Variants in DCC observed in about 807,000 individuals in gnomAD.
The protein encoded by DCC is DCC netrin 1 receptor.
Under a neutral mutation model 172.5 loss-of-function variants are expected in DCC, and 58 were observed. That is an observed-to-expected ratio of 0.34 (90% CI 0.27 to 0.42). The LOEUF (loss-of-function observed/expected upper bound fraction) is 0.42, where lower values mean the gene tolerates loss of function less well. Among genes scored for constraint, DCC ranks in the 10% least tolerant of loss-of-function variants. DCC has a pLI of 1.00. For missense variants in DCC, 1,740 were observed against 1,791.0 expected (o/e 0.97, Z 0.51); for synonymous variants, 709 against 644.5 (o/e 1.10, Z -1.52).
At position 53,055,538 on chromosome 18, in the gene DCC, G is replaced by T. The variant is rs80241264; in HGVS notation, c.986-7767G>T. 5.2e-3 allele frequency among the ~76,000 whole-genome samples: 787 copies of T among 152,196 alleles called. 6 individuals are homozygous for T. The highest frequency in any genetic ancestry group is 0.022 in the Admixed American group (341 of 15,270). On this transcript the variant is annotated intron_variant, in intron 5 of 28. Coordinates refer to ENST00000442544, the MANE Select transcript of DCC (RefSeq NM_005215.4). The stretch of plus-strand genomic sequence containing the variant: ...GTAGAAGGGCCATTCATTATTAATA[G>T]AATGTAACTTAAGTATGCTTTTATT...
chr18:52,405,190 G>A (rs1986595305), intron 1 of DCC, among the ~76,000 whole-genome samples: 1 of 150,174 alleles, frequency 6.7e-6, no homozygotes. Flanking sequence ...TAATGGGATG[G>A]CTGGGTCAAA....
intron 2 of DCC, among the ~76,000 whole-genome samples, chr18:52,869,325 C>G (rs1233745474): frequency 6.6e-6 from 1 of 152,212 alleles, no homozygotes; most frequent in African/African-American, 2.4e-5. Context: ...CCTGATAACT[C>G]TCAGCAGAGA....
intron 2 of DCC, among the ~76,000 whole-genome samples, chr18:52,867,635 A>T (rs2039249245): frequency 6.6e-6 from 1 of 151,944 alleles, no homozygotes; most frequent in African/African-American, 2.4e-5. Flanking sequence ...CCAGGAATTT[A>T]TCCATTTCTT....
At chr18:52,386,418 A>G (rs1159770605) in intron 1 of DCC, among the ~76,000 whole-genome samples, 4 of 152,076 alleles carry the variant, frequency 2.6e-5, no homozygotes, top group Non-Finnish European at 5.9e-5. Context: ...TAATCCTCAT[A>G]TTAGTTTTTC....
At chr18:53,436,616 G>A (rs1340722294) in intron 22 of DCC, among the ~76,000 whole-genome samples, 1 of 152,070 alleles carries the variant, frequency 6.6e-6, no homozygotes, top group Non-Finnish European at 1.5e-5. Context: ...CTCTCCTCTG[G>A]CCAATGGTAG....
At chr18:53,226,938 A>G (rs865976913) in intron 12 of DCC, among the ~76,000 whole-genome samples, 1 of 61,580 alleles carries the variant, frequency 1.6e-5, no homozygotes, top group Admixed American at 1.5e-4. Flanking sequence ...GTGTGTGTAT[A>G]TATATATATA....
At chr18:52,546,232 C>T (rs1273273450) in intron 1 of DCC, among the ~76,000 whole-genome samples, 4 of 152,090 alleles carry the variant, frequency 2.6e-5, no homozygotes, top group Admixed American at 1.3e-4. Flanking sequence ...TAGCAAAGTA[C>T]ACTGGAGATC....
In DCC at chr18:53,037,821, C is replaced by T. The variant is rs550772229; in HGVS notation, c.986-25484C>T. On this transcript the variant is annotated intron_variant, in intron 5 of 28. Transcript: ENST00000442544. ...ACTCACTTCTTCTGTAAAAGCACAA[C>T]TGATGAAAACACTTGAAAGGATTTT... Among the ~76,000 whole-genome samples the T allele has an allele frequency of 4.6e-5, 7 of 151,874 alleles. No individual in the cohort carries two copies. In the East Asian group the frequency reaches 1.4e-3, roughly 30 times the overall value.
chr18:52,987,570 G>T (rs1409526470), intron 5 of DCC, among the ~76,000 whole-genome samples: 1 of 152,066 alleles, frequency 6.6e-6, no homozygotes, highest in African/African-American at 2.4e-5. Flanking sequence ...TTCTATATAG[G>T]TTATCTCATT....
intron 5 of DCC, among the ~76,000 whole-genome samples, chr18:52,949,577 G>A (rs1439795062): frequency 1.3e-5 from 2 of 152,210 alleles, no homozygotes; most frequent in Non-Finnish European, 2.9e-5. Context: ...GCCAATGGCT[G>A]ATGATTCCTC....
At chr18:53,214,757 C>T (rs2055819192) in intron 11 of DCC, among the ~76,000 whole-genome samples, 2 of 152,070 alleles carry the variant, frequency 1.3e-5, no homozygotes. Flanking sequence ...TAGTTCCTGA[C>T]ACATAAAAGC....
At chr18:52,612,333 C>G (rs557097974) in intron 1 of DCC, among the ~76,000 whole-genome samples, 6 of 152,258 alleles carry the variant, frequency 3.9e-5, no homozygotes, top group Admixed American at 1.3e-4. Context: ...CAATTAATCA[C>G]AAGGTTCCCA....
chr18:53,505,152 A>T (rs528571981), intron 27 of DCC: 1 of 152,194 alleles, frequency 6.6e-6, no homozygotes, highest in South Asian at 2.1e-4. Context: ...TTACATGGAG[A>T]GGAGATGTTA....
intron 2 of DCC, among the ~76,000 whole-genome samples, chr18:52,790,535 A>C (rs2037741924): frequency 6.6e-6 from 1 of 152,164 alleles, no homozygotes; most frequent in Admixed American, 6.5e-5. Flanking sequence ...AAGCATTTTA[A>C]GGTTTGGAAA....
chr18:52,657,934 C>T (rs2035285725), intron 1 of DCC, among the ~76,000 whole-genome samples: 1 of 152,172 alleles, frequency 6.6e-6, no homozygotes, highest in African/African-American at 2.4e-5. Flanking sequence ...GCGTTAATCA[C>T]CACACTTCCA....
At chr18:52,680,959 A>G (rs1281383631) in intron 1 of DCC, among the ~76,000 whole-genome samples, 1 of 152,106 alleles carries the variant, frequency 6.6e-6, no homozygotes, top group East Asian at 1.9e-4. Context: ...ACATGGGTCC[A>G]ACTATAATGC....
At chr18:52,980,240 C>G (rs1366670648) in intron 5 of DCC, among the ~76,000 whole-genome samples, 2 of 152,148 alleles carry the variant, frequency 1.3e-5, no homozygotes, top group Admixed American at 6.6e-5. Context: ...CTGCCTGCAG[C>G]AGGAGGATGA....
intron 1 of DCC, among the ~76,000 whole-genome samples, chr18:52,385,050 A>T (rs139037846): frequency 6.6e-6 from 1 of 152,154 alleles, no homozygotes; most frequent in Non-Finnish European, 1.5e-5. Context: ...AGAAATTTTT[A>T]TAGAAGCTCA....
chr18:53,264,671 A>G (rs1017715961), intron 12 of DCC, among the ~76,000 whole-genome samples: 14 of 152,050 alleles, frequency 9.2e-5, no homozygotes, highest in African/African-American at 3.4e-4. Flanking sequence ...TTTCAGGTTC[A>G]GTGGAAGACA....
Sources: allele counts gnomAD v4.1 joint callset (sites outside exome capture counted in the v4.1 genomes callset), GRCh38; gene constraint gnomAD v4.1.1; transcripts MANE v1.5; gene names NCBI Gene and HGNC (gene_info 2026-07-23, HGNC 2026-07-21).